The following NRXN1 variants were observed in gnomAD, a reference collection of about 807,000 sequenced individuals.
NRXN1 encodes neurexin 1.
Under a neutral mutation model 150.9 loss-of-function variants are expected in NRXN1, and 39 were observed. The observed-to-expected ratio is 0.26, with a 90% CI of 0.20 to 0.34. The LOEUF is 0.34. NRXN1 is among the 10% of genes least tolerant of loss of function. The pLI is 1.00. For missense variants in NRXN1, 1,815 were observed against 1,949.9 expected (o/e 0.93, Z 1.30); for synonymous variants, 924 against 757.0 (o/e 1.22, Z -3.62).
At chr2:50,261,964 G>A (rs2068333952) in intron 17 of NRXN1, among the ~76,000 whole-genome samples, 3 of 151,808 alleles carry the variant, frequency 2.0e-5, no homozygotes, top group Non-Finnish European at 4.4e-5. Flanking sequence ...AGTTTTTCCA[G>A]GTAATTTATA....
At position 50,236,265 on chromosome 2, in the gene NRXN1, C is replaced by T. The variant is rs550332697; in HGVS notation, c.3546+524G>A. 3.3e-5 allele frequency among the ~76,000 whole-genome samples: 5 copies of T among 152,092 alleles called. No individual in the cohort carries two copies. The East Asian group carries it at 5.8e-4, about 18-fold the overall frequency. ...TTCCTGACACGTATCAAAATGAGTA[C>T]AAAATGGCACAGAAACAATCTTTTT... On this transcript the variant is annotated intron_variant, in intron 18 of 22. Transcript: ENST00000401669.
chr2:50,439,025 A>T (rs981019260), intron 17 of NRXN1, among the ~76,000 whole-genome samples: 2 of 152,150 alleles, frequency 1.3e-5, no homozygotes, highest in African/African-American at 4.8e-5. Context: ...ATAAAATAGT[A>T]CCTCACAGTC....
chr2:50,010,278 C>G (rs1573387337), intron 21 of NRXN1, among the ~76,000 whole-genome samples: 2 of 152,042 alleles, frequency 1.3e-5, no homozygotes, highest in African/African-American at 4.8e-5. Flanking sequence ...CTGGGATGGC[C>G]GAGATAATTT....
chr2:50,550,971 G>A (rs1489344062), intron 9 of NRXN1, among the ~76,000 whole-genome samples: 7 of 151,482 alleles, frequency 4.6e-5, no homozygotes, highest in African/African-American at 1.7e-4. Flanking sequence ...GTGAGCCACC[G>A]CGCCCAGCCT....
chr2:50,318,878 G>A (rs1261933140), intron 17 of NRXN1, among the ~76,000 whole-genome samples: 3 of 152,022 alleles, frequency 2.0e-5, no homozygotes, highest in Non-Finnish European at 4.4e-5. Context: ...TATGTCATGT[G>A]CTGGCCACAA....
intron 5 of NRXN1, among the ~76,000 whole-genome samples, chr2:50,715,646 G>C (rs1695767006): frequency 6.6e-6 from 1 of 152,074 alleles, no homozygotes; most frequent in African/African-American, 2.4e-5. Context: ...TGAAAGTGAA[G>C]TCATCGTCCC....
At chr2:50,662,652 C>T (rs1014189160) in intron 5 of NRXN1, among the ~76,000 whole-genome samples, 14 of 151,870 alleles carry the variant, frequency 9.2e-5, no homozygotes, top group African/African-American at 3.4e-4. Context: ...TGGCCCAAGG[C>T]GATTCTTCTT....
intron 2 of NRXN1, among the ~76,000 whole-genome samples, chr2:51,001,287 A>T (rs913860867): frequency 4.0e-5 from 6 of 151,356 alleles, no homozygotes; most frequent in South Asian, 4.2e-4. Flanking sequence ...TAGAAAAGGC[A>T]ATTGTGTTTC....
intron 2 of NRXN1, among the ~76,000 whole-genome samples, chr2:51,014,534 G>A (rs549574645): frequency 1.3e-5 from 2 of 152,110 alleles, no homozygotes; most frequent in East Asian, 3.9e-4. Flanking sequence ...ATATGACATT[G>A]CATTAGCTTA....
At chr2:50,257,221 C>T (rs2067787044) in intron 17 of NRXN1, among the ~76,000 whole-genome samples, 1 of 152,002 alleles carries the variant, frequency 6.6e-6, no homozygotes, top group East Asian at 1.9e-4. Context: ...CAGGAGGCTA[C>T]CGATAATCTA....
intron 18 of NRXN1, among the ~76,000 whole-genome samples, chr2:50,155,214 T>G (rs933786449): frequency 6.6e-6 from 1 of 151,628 alleles, no homozygotes; most frequent in Non-Finnish European, 1.5e-5. Flanking sequence ...AAAATGTAAT[T>G]CCTTTCTTAA....
At chr2:50,995,721 G>C (rs1233174641) in intron 2 of NRXN1, among the ~76,000 whole-genome samples, 1 of 151,878 alleles carries the variant, frequency 6.6e-6, no homozygotes, top group Non-Finnish European at 1.5e-5. Context: ...CCATCTAGTA[G>C]TTTCTCTTTC....
At chr2:49,929,690 C>T (rs1390955900) in intron 22 of NRXN1, among the ~76,000 whole-genome samples, 2 of 152,100 alleles carry the variant, frequency 1.3e-5, no homozygotes, top group Middle Eastern at 3.2e-3. Flanking sequence ...ACTTATTTCT[C>T]GAAGCTTGGC....
At chr2:50,240,774 C>T (rs1439088496) in intron 17 of NRXN1, among the ~76,000 whole-genome samples, 1 of 151,632 alleles carries the variant, frequency 6.6e-6, no homozygotes, top group Non-Finnish European at 1.5e-5. Flanking sequence ...TCTTATAGAG[C>T]TCTATCAGAA....
chr2:50,057,714 A>T (rs889244514), intron 19 of NRXN1, among the ~76,000 whole-genome samples: 16 of 152,196 alleles, frequency 1.1e-4, no homozygotes, highest in African/African-American at 3.4e-4. Context: ...CTTCTGTTGC[A>T]CTATTAACAC....
At chr2:50,769,637 A>C (rs895952302) in intron 5 of NRXN1, among the ~76,000 whole-genome samples, 1 of 152,094 alleles carries the variant, frequency 6.6e-6, no homozygotes, top group Non-Finnish European at 1.5e-5. Context: ...CGGCCTGATT[A>C]CAACGAACTC....
chr2:50,347,540 C>T lies in NRXN1; in HGVS notation c.3365-110570G>A. ...GCTCGCCCGCTAGCGCCAGCCTCCC[C>T]CGGGCAGCGCGCGGAGCAGCGGCGC... On this transcript the variant is annotated intron_variant, in intron 17 of 22. Coordinates refer to ENST00000401669, the MANE Select transcript of NRXN1 (RefSeq NM_001330078.2). This position sits in a 1 kb window ranked among gnomAD's most constrained non-coding sequence, Gnocchi z 4.9. The T allele has an allele frequency of 1.9e-6, 2 of 1,044,096 alleles. No homozygotes were observed. Among genetic ancestry groups the T allele is most frequent in the South Asian group, 5.8e-5 (2 of 34,282 alleles). 64.7% of individuals were successfully genotyped at this position (1,044,096 alleles called of 1,614,324 possible). A position where few individuals can be genotyped will look rare whatever the true frequency, so the allele number is the denominator to read the frequency against.
chr2:50,737,821 C>G (rs1298018708), intron 5 of NRXN1, among the ~76,000 whole-genome samples: 2 of 151,964 alleles, frequency 1.3e-5, no homozygotes, highest in East Asian at 1.9e-4. Flanking sequence ...AAACACCCAC[C>G]ACCAGTAGCC....
rs1367264296 is a variant in NRXN1 at position 50,033,780 on chromosome 2, C to G, written c.4128+19491G>C. ...TATAAGGAATTTAAACACATTTACACACACACACACAAACCCAATTAAAAA... is the reference window on the plus strand; with the variant it reads ...TATAAGGAATTTAAACACATTTACAGACACACACACAAACCCAATTAAAAA... On this transcript the variant is annotated intron_variant, in intron 21 of 22. Coordinates refer to ENST00000401669, the MANE Select transcript of NRXN1 (RefSeq NM_001330078.2). Among the ~76,000 whole-genome samples, 4 of 151,698 alleles carry G rather than the reference C, an allele frequency of 2.6e-5. No homozygotes were observed. The East Asian group carries it at 7.7e-4, about 29-fold the overall frequency.
Sources: allele counts gnomAD v4.1 joint callset (sites outside exome capture counted in the v4.1 genomes callset), GRCh38; gene constraint gnomAD v4.1.1; non-coding constraint Gnocchi (gnomAD v3.1); transcripts MANE v1.5; gene names NCBI Gene and HGNC (gene_info 2026-07-23, HGNC 2026-07-21).